PTPRT: variants seen among roughly 807,000 people sequenced by gnomAD.
The protein encoded by PTPRT is receptor-type tyrosine-protein phosphatase T.
In PTPRT, 56 loss-of-function variants were observed where a neutral mutation model predicts 176.8. The ratio of observed to expected loss-of-function variants is 0.32; its 90% CI spans 0.26 to 0.40. PTPRT has a LOEUF of 0.40. Among genes scored for constraint, PTPRT ranks in the 10% least tolerant of loss-of-function variants. The pLI, the probability that PTPRT is intolerant of heterozygous loss-of-function variation, is 1.00. For synonymous variants in PTPRT, 783 were observed against 739.0 expected (o/e 1.06, Z -0.96); for missense variants, 1,540 against 1,908.2 (o/e 0.81, Z 3.60).
intron 6 of PTPRT, among the ~76,000 whole-genome samples, chr20:42,714,615 A>G (rs574108174): frequency 3.3e-5 from 5 of 152,230 alleles, no homozygotes; most frequent in Non-Finnish European, 7.3e-5. Flanking sequence ...TCAAAACACT[A>G]CAAAAATATA....
chr20:42,901,905 T>G (rs1287523267), intron 1 of PTPRT, among the ~76,000 whole-genome samples: 2 of 152,226 alleles, frequency 1.3e-5, no homozygotes, highest in Non-Finnish European at 2.9e-5. Context: ...CATGTTTATT[T>G]GCCTACATAT....
intron 1 of PTPRT, among the ~76,000 whole-genome samples, chr20:43,013,910 G>A (rs1261960889): frequency 6.6e-6 from 1 of 152,178 alleles, no homozygotes; most frequent in Non-Finnish European, 1.5e-5. Context: ...TATGACATGA[G>A]GAGAATAATA....
intron 7 of PTPRT, among the ~76,000 whole-genome samples, chr20:42,633,972 A>T (rs1600512732): frequency 3.4e-5 from 1 of 29,410 alleles, no homozygotes; most frequent in East Asian, 1.0e-3. Flanking sequence ...AATATATTAT[A>T]ATATATTATA....
chr20:42,563,887 G>T (rs773644493), intron 7 of PTPRT, among the ~76,000 whole-genome samples: 70 of 152,178 alleles, frequency 4.6e-4, no homozygotes, highest in Non-Finnish European at 8.7e-4. Context: ...TTTCTTTTTC[G>T]CTCGTGTCAC....
At chr20:42,917,488 A>T (rs978026785) in intron 1 of PTPRT, among the ~76,000 whole-genome samples, 25 of 152,240 alleles carry the variant, frequency 1.6e-4, no homozygotes, top group South Asian at 6.2e-4. Flanking sequence ...GTTTTTTCCA[A>T]TTCTGTGAAG....
At chr20:43,083,345 T>TATATATATAC (rs1568774083) in intron 1 of PTPRT, among the ~76,000 whole-genome samples, 15 of 117,346 alleles carry the variant, frequency 1.3e-4, no homozygotes, top group Non-Finnish European at 2.3e-4. Context: ...TATATATATA[T>TATATATATAC]ATATATATAT....
Position 42,225,093 on chromosome 20 carries a change from G to A in PTPRT, c.2342+11136C>T, listed in dbSNP as rs926144182. ...TTTTCTTTCTTGTTGATATCACCAC[G>A]GGTGGATGCCAGGAGGAGGGTTGTC... On this transcript the variant is annotated intron_variant, in intron 15 of 30. Coordinates refer to ENST00000373187, the MANE Select transcript of PTPRT (RefSeq NM_007050.6). Among the ~76,000 whole-genome samples the A allele has an allele frequency of 7.9e-5, 12 of 152,272 alleles. 1 individual carries two copies. In the Middle Eastern group the frequency reaches 0.014, roughly 173 times the overall value.
chr20:42,794,469 G>A (rs62205411), intron 2 of PTPRT, among the ~76,000 whole-genome samples: 317 of 152,184 alleles, frequency 2.1e-3, no homozygotes, highest in Middle Eastern at 0.02. Context: ...CCAGGTGATC[G>A]GCATGTACAT....
the PTPRT span, among the ~76,000 whole-genome samples, chr20:42,061,547 C>A: frequency 6.6e-6 from 1 of 152,108 alleles, no homozygotes; most frequent in East Asian, 1.9e-4. Context: ...ACTTGAGTCT[C>A]AATTTAAAAT....
intron 21 of PTPRT, chr20:42,116,045 G>T (rs745453795): frequency 1.1e-5 from 8 of 723,972 alleles, no homozygotes; most frequent in Non-Finnish European, 2.1e-5. Flanking sequence ...TTACCATTCC[G>T]GGGGACGCCG....
intron 2 of PTPRT, among the ~76,000 whole-genome samples, chr20:42,847,356 A>G (rs2078391671): frequency 6.6e-6 from 1 of 152,156 alleles, no homozygotes; most frequent in Non-Finnish European, 1.5e-5. Context: ...GAATAAGTAC[A>G]CAGAACACTC....
chr20:42,588,474 C>A (rs1303584794), intron 7 of PTPRT, among the ~76,000 whole-genome samples: 1 of 151,862 alleles, frequency 6.6e-6, no homozygotes, highest in East Asian at 1.9e-4. Flanking sequence ...ATCAACCAAC[C>A]AGAAAAATGA....
chr20:43,162,224 T>C (rs552662843), intron 1 of PTPRT, among the ~76,000 whole-genome samples: 10 of 152,140 alleles, frequency 6.6e-5, no homozygotes, highest in Non-Finnish European at 1.3e-4. Flanking sequence ...TTAGCTGGGA[T>C]TGGAGAATAA....
intron 1 of PTPRT, among the ~76,000 whole-genome samples, chr20:42,939,003 A>G (rs1333382122): frequency 6.6e-6 from 1 of 152,228 alleles, no homozygotes; most frequent in Non-Finnish European, 1.5e-5. Context: ...GCAATAAAGA[A>G]GCCATTTAGT....
At chr20:42,092,906 G>C (rs958247520) in intron 27 of PTPRT, among the ~76,000 whole-genome samples, 4 of 152,260 alleles carry the variant, frequency 2.6e-5, no homozygotes, top group Middle Eastern at 3.4e-3. Context: ...TTGCATCCCT[G>C]ATCTCTCAGG....
At chr20:42,906,355 G>T (rs1031148380) in intron 1 of PTPRT, among the ~76,000 whole-genome samples, 1 of 152,172 alleles carries the variant, frequency 6.6e-6, no homozygotes, top group Non-Finnish European at 1.5e-5. Flanking sequence ...GCTCCAGGGG[G>T]AAAGCCACGT....
intron 6 of PTPRT, among the ~76,000 whole-genome samples, chr20:42,734,661 A>G (rs2076511382): frequency 6.6e-6 from 1 of 152,214 alleles, no homozygotes; most frequent in South Asian, 2.1e-4. Flanking sequence ...TTTCTTAGTG[A>G]CAAACAACCC....
intron 6 of PTPRT, among the ~76,000 whole-genome samples, chr20:42,711,304 C>A (rs1751417054): frequency 6.6e-6 from 1 of 152,112 alleles, no homozygotes; most frequent in South Asian, 2.1e-4. Flanking sequence ...GCCCCCTCTA[C>A]AAATCTCTTG....
chr20:42,093,108 C>T (rs570082696), intron 27 of PTPRT, among the ~76,000 whole-genome samples: 1 of 152,324 alleles, frequency 6.6e-6, no homozygotes, highest in Admixed American at 6.5e-5. Flanking sequence ...CACAGCCCCA[C>T]CCTTTGGCTG....
Sources: gnomAD v4.1 joint callset for allele counts (sites outside exome capture counted in the v4.1 genomes callset) on GRCh38, gnomAD v4.1.1 for gene constraint, MANE v1.5 for transcripts, NCBI Gene and HGNC (gene_info 2026-07-23, HGNC 2026-07-21) for gene names.